The following ADAM19 variants were observed in gnomAD, a reference collection of about 807,000 sequenced individuals.
ADAM19 encodes ADAM metallopeptidase domain 19.
Under a neutral mutation model 114.7 loss-of-function variants are expected in ADAM19, and 65 were observed. The observed-to-expected ratio is 0.57, with a 90% CI of 0.46 to 0.70. ADAM19 has a LOEUF of 0.70. Among genes scored for constraint, ADAM19 ranks in the 30% least tolerant of loss-of-function variants. ADAM19 has a pLI of 0.00. For synonymous variants in ADAM19, 466 were observed against 460.5 expected, an observed-to-expected ratio of 1.01 and a Z score of -0.15; for missense variants, 1,063 against 1,204.7, an observed-to-expected ratio of 0.88 and a Z score of 1.74.
At chr5:157,539,824 G>A (rs1001500852) in intron 3 of ADAM19, among the ~76,000 whole-genome samples, 1 of 152,222 alleles carries the variant, frequency 6.6e-6, no homozygotes, top group Non-Finnish European at 1.5e-5. Context: ...CAGAGGCCAA[G>A]CAGTTTTGCT....
chr5:157,523,396 G>T (rs1389269630), intron 5 of ADAM19, among the ~76,000 whole-genome samples: 3 of 152,218 alleles, frequency 2.0e-5, no homozygotes, highest in African/African-American at 7.2e-5. Context: ...AGGTGGGCCT[G>T]GTAGGAGGTG....
rs1486605909 is a variant in ADAM19, at chr5:157,519,967, G to T, written c.472C>A (p.Gln158Lys). The T allele has an allele frequency of 1.9e-6, 3 of 1,614,136 alleles. No homozygotes were observed. Among genetic ancestry groups the T allele is most frequent in the Non-Finnish European group, 2.5e-6 (3 of 1,180,016 alleles). ...TGTTCAGATCTGTAAATAAGGTGTT[G>T]GCCCTTGCTGTCAGGGAGGGGCTCG... ...VIEPLPDSKGQHLIYRSEHLK... is the reference protein window; with the variant it reads ...VIEPLPDSKGKHLIYRSEHLK... The change falls in exon 6 of 23, where the codon CAA becomes AAA. Residue 158 changes from glutamine to lysine, a missense_variant. This residue lies in a region of ADAM19 where 615 missense variants were observed against 706.3 expected (regional missense o/e 0.87). Transcript: ENST00000257527.
At chr5:157,485,962 T>C (rs1754917435) in intron 21 of ADAM19, among the ~76,000 whole-genome samples, 1 of 152,242 alleles carries the variant, frequency 6.6e-6, no homozygotes, top group South Asian at 2.1e-4. Flanking sequence ...AAAGCTGCCA[T>C]CTGCCTTCCT....
chr5:157,494,293 G>C (rs1581296697), intron 15 of ADAM19, among the ~76,000 whole-genome samples: 2 of 145,146 alleles, frequency 1.4e-5, no homozygotes, highest in South Asian at 2.2e-4. Flanking sequence ...GGATGGATGG[G>C]TAGACAGATG....
chr5:157,538,412 A>C (rs146539692), intron 3 of ADAM19, among the ~76,000 whole-genome samples: 451 of 152,168 alleles, frequency 3.0e-3, no homozygotes, highest in Admixed American at 8.1e-3. Flanking sequence ...TAAGGGAATA[A>C]CTCTTCCCTG....
At chr5:157,523,267 T>G (rs1756354870) in intron 5 of ADAM19, among the ~76,000 whole-genome samples, 1 of 152,210 alleles carries the variant, frequency 6.6e-6, no homozygotes, top group Admixed American at 6.5e-5. Flanking sequence ...AGCAGAGGTC[T>G]CAGGGATATC....
intron 2 of ADAM19, chr5:157,570,476 C>T (rs564345083): frequency 5.0e-5 from 8 of 161,168 alleles, no homozygotes; most frequent in South Asian, 1.5e-4. Flanking sequence ...TAGGTCTCTA[C>T]GCTGCGTCTT....
rs371911105 is a variant in ADAM19 at position 157,497,266 on chromosome 5, T to C, written c.1399-177A>G. 4.6e-5 allele frequency among the ~76,000 whole-genome samples: 7 copies of C among 152,348 alleles called. No homozygotes were observed. The South Asian group carries it at 6.2e-4, about 14-fold the overall frequency. On this transcript the variant is annotated intron_variant, in intron 13 of 22. Transcript: ENST00000257527. The stretch of plus-strand genomic sequence containing the variant: ...ACCTTCAGCCTTCTCATGTGAATAC[T>C]GACAGAATTTCAAGCTGTTTTCACA...
At chr5:157,497,344 A>C (rs915109517) in intron 13 of ADAM19, among the ~76,000 whole-genome samples, 1 of 152,206 alleles carries the variant, frequency 6.6e-6, no homozygotes, top group African/African-American at 2.4e-5. Context: ...GCAAGAAATA[A>C]TACCTATACA....
intron 12 of ADAM19, among the ~76,000 whole-genome samples, chr5:157,500,386 T>C (rs1755522907): frequency 6.6e-6 from 1 of 152,230 alleles, no homozygotes; most frequent in Non-Finnish European, 1.5e-5. Context: ...CTTTACAAAA[T>C]CATAGTATCC....
rs182092067 is a variant in ADAM19, at chr5:157,491,831, G to A, written c.1986+4C>T. ...ACACAGAGAAGCCAGAACCCAGCAC[G>A]CACCCCATGGCCATTGCACTTCTTC... On this transcript the variant is annotated splice_donor_region_variant and intron_variant, in intron 17 of 22. Transcript: ENST00000257527. 105 of 1,614,178 alleles carry A rather than the reference G, an allele frequency of 6.5e-5. No individual in the cohort carries two copies. The highest frequency in any genetic ancestry group is 8.1e-5 in the Non-Finnish European group (96 of 1,179,982).
At chr5:157,571,064 C>G (rs1392918212) in intron 1 of ADAM19, 84 bp from the exon 2 acceptor site, 12 of 1,162,618 alleles carry the variant, frequency 1.0e-5, no homozygotes, top group African/African-American at 1.5e-5. Context: ...GTGAGCTGCC[C>G]CTGCACTGGG....
chr5:157,552,444 G>A (rs529979453), intron 3 of ADAM19, among the ~76,000 whole-genome samples: 30 of 152,062 alleles, frequency 2.0e-4, no homozygotes, highest in African/African-American at 6.5e-4. Context: ...CTGAGCTTAG[G>A]AGTTCAAGCC....
At chr5:157,556,504 C>G (rs1388701200) in intron 3 of ADAM19, among the ~76,000 whole-genome samples, 2 of 152,168 alleles carry the variant, frequency 1.3e-5, no homozygotes, top group Non-Finnish European at 2.9e-5. Flanking sequence ...CAGGCGTGAG[C>G]CACCATGCCC....
intron 21 of ADAM19, among the ~76,000 whole-genome samples, chr5:157,485,197 C>T (rs994729993): frequency 6.6e-6 from 1 of 152,260 alleles, no homozygotes; most frequent in African/African-American, 2.4e-5. Flanking sequence ...TGCCTACTCC[C>T]TGCTCCAAGC....
intron 4 of ADAM19, among the ~76,000 whole-genome samples, chr5:157,534,055 T>C (rs1756696425): frequency 6.6e-6 from 1 of 152,052 alleles, no homozygotes; most frequent in Non-Finnish European, 1.5e-5. Context: ...ATGCTAAGAG[T>C]GTTCACAGCC....
At chr5:157,569,608 C>A (rs1219544733) in intron 2 of ADAM19, among the ~76,000 whole-genome samples, 1 of 151,844 alleles carries the variant, frequency 6.6e-6, no homozygotes, top group Non-Finnish European at 1.5e-5. Context: ...CAAGTTGGAG[C>A]CTTTTTGGAC....
At chr5:157,525,354 T>A (rs1044989839) in intron 5 of ADAM19, among the ~76,000 whole-genome samples, 1 of 152,112 alleles carries the variant, frequency 6.6e-6, no homozygotes, top group African/African-American at 2.4e-5. Context: ...GGCTCCCACC[T>A]CCCTGAGACT....
chr5:157,513,511 T>C lies in ADAM19; in HGVS notation c.667-6A>G, dbSNP rs760567714. On this transcript the variant is annotated splice_region_variant and splice_polypyrimidine_tract_variant and intron_variant, in intron 7 of 22. Transcript: ENST00000257527. ...TCTCGTCGATTCTTCTGAAACTAAA[T>C]GGGACAAGCAGAACCATGTGAGATC... 1 of 1,613,724 alleles carries C rather than the reference T, an allele frequency of 6.2e-7. No individual in the cohort carries two copies.
Sources: gnomAD v4.1 joint callset for allele counts (sites outside exome capture counted in the v4.1 genomes callset) on GRCh38, gnomAD v4.1.1 for gene constraint, gnomAD v4.1.1 regional missense constraint, MANE v1.5 for transcripts, NCBI Gene and HGNC (gene_info 2026-07-23, HGNC 2026-07-21) for gene names.